The following PLEKHG4B variants were observed in gnomAD, a reference collection of about 807,000 sequenced individuals.
The protein encoded by PLEKHG4B is pleckstrin homology and RhoGEF domain containing G4B, also known as pleckstrin homology domain-containing family G member 4B.
PLEKHG4B carries 111 observed loss-of-function variants against 121.3 expected under a neutral mutation model. The ratio of observed to expected loss-of-function variants is 0.92; its 90% CI spans 0.78 to 1.07. PLEKHG4B has a LOEUF of 1.07. Ranked by LOEUF, PLEKHG4B falls within the 50% of genes least tolerant of loss-of-function variation. PLEKHG4B has a pLI of 0.00. For missense variants in PLEKHG4B, 1,831 were observed against 1,757.8 expected (o/e 1.04, Z -0.74); for synonymous variants, 738 against 725.0 (o/e 1.02, Z -0.29).
Position 171,087 on chromosome 5 carries a change from G to A in PLEKHG4B, c.3774G>A (p.Pro1258=), listed in dbSNP as rs746087900. 29 of 1,613,190 alleles carry A rather than the reference G, an allele frequency of 1.8e-5. No homozygotes were observed. Among genetic ancestry groups the A allele is most frequent in the African/African-American group, 4.0e-5 (3 of 74,866 alleles). The change falls in exon 15 of 20, where the codon CCG becomes CCA. Residue 1258 remains proline (P), a synonymous_variant. Coordinates refer to ENST00000637938, the MANE Select transcript of PLEKHG4B (RefSeq NM_052909.5). Reference sequence around the variant, plus strand: ...ACGTGATCTACAGCAAAAACAAGCCGCAGTCGGATGCCCTGCTCAGCAGCC... The same window carrying A: ...ACGTGATCTACAGCAAAAACAAGCCACAGTCGGATGCCCTGCTCAGCAGCC... ...GMYVIYSKNK[P]QSDALLSSHG...
At chr5:164,786 G>A (rs1449216444) in intron 13 of PLEKHG4B, among the ~76,000 whole-genome samples, 4 of 120,000 alleles carry the variant, frequency 3.3e-5, no homozygotes, top group South Asian at 3.0e-4. Context: ...TCACACTAAT[G>A]CTCTGACGGG....
chr5:149,230 A>G (rs1249249525), intron 6 of PLEKHG4B, among the ~76,000 whole-genome samples: 1 of 152,204 alleles, frequency 6.6e-6, no homozygotes, highest in East Asian at 1.9e-4. Context: ...AGACTTTTCA[A>G]AAATTAAAAA....
chr5:147,331 C>G (rs953122678), intron 6 of PLEKHG4B, among the ~76,000 whole-genome samples: 2 of 152,148 alleles, frequency 1.3e-5, no homozygotes, highest in Non-Finnish European at 2.9e-5. Context: ...AACATGAGGC[C>G]CTGCACCACA....
In PLEKHG4B at chr5:169,610, C is replaced by T. The variant is rs201985922; in HGVS notation, c.3729+18C>T. ...TGAGACACGTAAGTGCAGGCCATGG[C>T]GTGGGTGCCGGGCAACGTGGTGGGT... On this transcript the variant is annotated intron_variant, in intron 14 of 19. Coordinates refer to ENST00000637938, the MANE Select transcript of PLEKHG4B (RefSeq NM_052909.5). The T allele has an allele frequency of 1.7e-5, 27 of 1,609,578 alleles. No homozygotes were observed. Among genetic ancestry groups the T allele is most frequent in the South Asian group, 7.7e-5 (7 of 91,004 alleles).
At chr5:154,625 T>C (rs1004140942) in intron 7 of PLEKHG4B, among the ~76,000 whole-genome samples, 3 of 107,606 alleles carry the variant, frequency 2.8e-5, no homozygotes, top group African/African-American at 1.4e-4. Context: ...TCCTCCCTTT[T>C]TTTTTTTTTT....
chr5:120,108 T>G (rs1368366522), intron 2 of PLEKHG4B, among the ~76,000 whole-genome samples: 1 of 151,948 alleles, frequency 6.6e-6, no homozygotes, highest in Non-Finnish European at 1.5e-5. Context: ...ACTTAACCAG[T>G]CATGGTGGGT....
chr5:156,906 G>A lies in PLEKHG4B; in HGVS notation c.2482G>A (p.Asp828Asn). The change falls in exon 11 of 20, where the codon GAC becomes AAC. Residue 828 changes from aspartate to asparagine, a missense_variant. Coordinates refer to ENST00000637938, the MANE Select transcript of PLEKHG4B (RefSeq NM_052909.5). The surrounding 1 kb of genome is among the most constrained non-coding windows in gnomAD (Gnocchi z 4.4). ...GCTGGCGTCACTCCTGGAAGGGAAT[G>A]ACCAGGTCAGAGCTGCAGGAGGAAG... ...RELASLLEGN[D>N]QQSCQKGLQL... The A allele has an allele frequency of 1.2e-6, 2 of 1,611,672 alleles. No homozygotes were observed. The highest frequency in any genetic ancestry group is 8.5e-7 in the Non-Finnish European group (1 of 1,179,362).
intron 1 of PLEKHG4B, among the ~76,000 whole-genome samples, chr5:98,082 C>A (rs1375903778): frequency 6.6e-6 from 1 of 152,052 alleles, no homozygotes; most frequent in African/African-American, 2.4e-5. Context: ...TCTATATTTT[C>A]TTTTGTTGCT....
In PLEKHG4B at chr5:99,199, TA is replaced by T. The variant is rs1190383006; in HGVS notation, c.45+6924del. Among the ~76,000 whole-genome samples the T allele has an allele frequency of 8.4e-5, 11 of 130,814 alleles. 1 individual carries two copies. The highest frequency in any genetic ancestry group is 3.0e-4 in the African/African-American group (10 of 33,702). The allele number at this position is 130,814 out of a possible 152,430, so 85.8% of individuals were successfully genotyped here. On this transcript the variant is annotated intron_variant, in intron 1 of 19. Transcript: ENST00000637938. ...ATATATATATATATATATATATATA[TA>T]TATATATATATATTTTGCGATTTTG...
At chr5:94,926 T>G (rs1416088857) in intron 1 of PLEKHG4B, among the ~76,000 whole-genome samples, 3 of 152,156 alleles carry the variant, frequency 2.0e-5, no homozygotes, top group African/African-American at 7.2e-5. Context: ...GAGTCAAACT[T>G]GAAAAGAGAT....
chr5:119,922 T>C (rs1220856801), intron 2 of PLEKHG4B, among the ~76,000 whole-genome samples: 1 of 152,154 alleles, frequency 6.6e-6, no homozygotes, highest in Non-Finnish European at 1.5e-5. Flanking sequence ...AAGGAGGGAC[T>C]AGAAAGCAAA....
At chr5:114,619 G>A (rs1734254846) in intron 2 of PLEKHG4B, among the ~76,000 whole-genome samples, 1 of 152,074 alleles carries the variant, frequency 6.6e-6, no homozygotes. Context: ...CACCATGCCT[G>A]GCTGATTTTT....
intron 3 of PLEKHG4B, among the ~76,000 whole-genome samples, chr5:142,423 TAC>T (rs1735239275): frequency 6.6e-6 from 1 of 151,304 alleles, no homozygotes. Flanking sequence ...CCTCACACGA[TAC>T]ACGCGCGCAC....
At position 157,828 on chromosome 5, in the gene PLEKHG4B, C is replaced by CCATG. The variant is rs1735841285; in HGVS notation, c.2487+917_2487+918insCATG. Reference sequence around the variant, plus strand: ...ATGAATGTGCGGGTGAAAGAGCCAGCAGCATGGAGAGGCAGCAGTGGGGTG... The same window carrying CCATG: ...ATGAATGTGCGGGTGAAAGAGCCAGCCATGAGCATGGAGAGGCAGCAGTGGGGTG... On this transcript the variant is annotated intron_variant, in intron 11 of 19. Coordinates refer to ENST00000637938, the MANE Select transcript of PLEKHG4B (RefSeq NM_052909.5). The surrounding 1 kb of genome is among the most constrained non-coding windows in gnomAD (Gnocchi z 4.6). Among the ~76,000 whole-genome samples, 1 of 152,200 alleles carries CCATG rather than the reference C, an allele frequency of 6.6e-6. No homozygotes were observed. Among genetic ancestry groups the CCATG allele is most frequent in the African/African-American group, 2.4e-5 (1 of 41,436 alleles).
intron 1 of PLEKHG4B, among the ~76,000 whole-genome samples, chr5:109,150 G>A (rs1734061709): frequency 6.6e-6 from 1 of 152,130 alleles, no homozygotes; most frequent in Non-Finnish European, 1.5e-5. Flanking sequence ...GCCCACGGAT[G>A]TCTTGCTTTT....
rs1182696968 is a variant in PLEKHG4B at position 162,732 on chromosome 5, G to A, written c.2660G>A (p.Trp887Ter). Residue 887 changes from tryptophan (W) to a stop codon, truncating the protein, a stop_gained, in exon 13 of 20, where the codon TGG becomes TAG. Coordinates refer to ENST00000637938, the MANE Select transcript of PLEKHG4B (RefSeq NM_052909.5). LOFTEE classifies it high-confidence loss of function. ...SSELCETVSS[W>*]MGPLDPEACP... ...CTCCTTGTCCCACAGGTGAGCAGCT[G>A]GATGGGGCCCCTGGACCCGGAGGCT... 1.4e-6 allele frequency: 2 copies of A among 1,454,810 alleles called. No homozygotes were observed. Among genetic ancestry groups the A allele is most frequent in the East Asian group, 5.0e-5 (2 of 40,308 alleles). The allele number at this position is 1,454,810 out of a possible 1,614,324, so 90.1% of individuals were successfully genotyped here.
chr5:180,374 T>G (rs1452324400), intron 18 of PLEKHG4B, among the ~76,000 whole-genome samples: 1 of 152,212 alleles, frequency 6.6e-6, no homozygotes, highest in Non-Finnish European at 1.5e-5. Context: ...TCCCAGGCCC[T>G]TCCTCCCAGT....
chr5:102,034 A>G (rs1317284327), intron 1 of PLEKHG4B, among the ~76,000 whole-genome samples: 17 of 93,862 alleles, frequency 1.8e-4, no homozygotes, highest in African/African-American at 4.2e-4. Flanking sequence ...AAGCCCTGGA[A>G]AAAGTCTGTA....
intron 1 of PLEKHG4B, among the ~76,000 whole-genome samples, chr5:109,117 T>G (rs890707303): frequency 6.6e-6 from 1 of 152,130 alleles, no homozygotes; most frequent in Non-Finnish European, 1.5e-5. Context: ...GGGCCCTGCT[T>G]GAAGGAGCCA....
Sources: allele counts gnomAD v4.1 joint callset (sites outside exome capture counted in the v4.1 genomes callset), GRCh38; gene constraint gnomAD v4.1.1; non-coding constraint Gnocchi (gnomAD v3.1); transcripts MANE v1.5; gene names NCBI Gene and HGNC (gene_info 2026-07-23, HGNC 2026-07-21).